DMD: variants seen among roughly 807,000 people sequenced by gnomAD.
DMD encodes the protein dystrophin.
Under a neutral mutation model 330.1 loss-of-function variants are expected in DMD, and 63 were observed. That is an observed-to-expected ratio of 0.19 (90% CI 0.16 to 0.24). The LOEUF is 0.24. Ranked by LOEUF, DMD falls within the 10% of genes least tolerant of loss-of-function variation. The pLI is 1.00. For missense variants in DMD, 3,344 were observed against 2,684.1 expected (o/e 1.25, Z -5.43); for synonymous variants, 1,223 against 959.8 (o/e 1.27, Z -5.07).
chrX:33,299,187 A>G, intron 1 of DMD, among the ~76,000 whole-genome samples: 2 of 111,290 alleles, frequency 1.8e-5, no homozygotes, highest in Non-Finnish European at 1.9e-5. Context: ...AGTGGTTATT[A>G]TGTTACTCTA....
chrX:31,172,922 C>G (rs981471435), intron 72 of DMD, among the ~76,000 whole-genome samples: 10 of 111,789 alleles, frequency 8.9e-5, no homozygotes, highest in African/African-American at 2.6e-4. Flanking sequence ...ATCTTCTTCA[C>G]CTCAGGCAAT....
intron 1 of DMD, among the ~76,000 whole-genome samples, chrX:33,053,528 G>A (rs751688814): frequency 1.4e-3 from 149 of 108,739 alleles, no homozygotes; most frequent in Middle Eastern, 4.8e-3. Flanking sequence ...CTCGGGAGGC[G>A]GAGGTTGCAG....
intron 62 of DMD, among the ~76,000 whole-genome samples, chrX:31,293,183 TGTGTGTGTGTAGTCTGGTTTA>T (rs1569519812): frequency 4.8e-4 from 42 of 86,826 alleles, no homozygotes; most frequent in Non-Finnish European, 6.4e-4. Context: ...TGTGTGTGTG[TGTGTGTGTGTAGTCTGGTTTA>T]GTGTGTGTGT....
At chrX:31,264,873 TC>T (rs2050878760) in intron 62 of DMD, among the ~76,000 whole-genome samples, 1 of 112,743 alleles carries the variant, frequency 8.9e-6, no homozygotes. Flanking sequence ...TCAGAGCTGT[TC>T]CTGCTGTCAG....
At position 32,767,953 on chromosome X, in the gene DMD, T is replaced by C. The variant is rs151090534; in HGVS notation, c.649+41540A>G. Among the ~76,000 whole-genome samples, 82 of 111,573 alleles carry C rather than the reference T, an allele frequency of 7.3e-4. No individual in the cohort carries two copies. In the East Asian group the frequency reaches 0.019, roughly 26 times the overall value. The stretch of plus-strand genomic sequence containing the variant: ...AATTATTTTCATAAAGGCTTAACTA[T>C]TGATAAGAGATATAGATATAACATT... On this transcript the variant is annotated intron_variant, in intron 7 of 78. Transcript: ENST00000357033.
chrX:33,003,647 C>A (rs1413979643), intron 2 of DMD, among the ~76,000 whole-genome samples: 1 of 111,130 alleles, frequency 9.0e-6, no homozygotes, highest in African/African-American at 3.3e-5. Flanking sequence ...GGTTTACTGA[C>A]TTAGATGATA....
At chrX:31,922,134 C>G (rs2094698188) in intron 47 of DMD, among the ~76,000 whole-genome samples, 1 of 110,867 alleles carries the variant, frequency 9.0e-6, no homozygotes, top group Non-Finnish European at 1.9e-5. Context: ...TTAGAGGGTC[C>G]CACCATATAC....
At chrX:33,251,129 G>A (rs1038493239) in intron 1 of DMD, among the ~76,000 whole-genome samples, 5 of 111,194 alleles carry the variant, frequency 4.5e-5, no homozygotes, top group Admixed American at 9.7e-5. Context: ...CCTCTTGAAT[G>A]TATTTATTCA....
intron 1 of DMD, among the ~76,000 whole-genome samples, chrX:33,133,709 T>A (rs2095511453): frequency 8.9e-6 from 1 of 112,154 alleles, no homozygotes; most frequent in Non-Finnish European, 1.9e-5. Flanking sequence ...TTTCAGTAAC[T>A]AAGTTCATGA....
At chrX:32,974,912 A>ATGACTT (rs1460387305) in intron 2 of DMD, among the ~76,000 whole-genome samples, 1 of 112,080 alleles carries the variant, frequency 8.9e-6, no homozygotes, top group Non-Finnish European at 1.9e-5. Flanking sequence ...TCATGTATTA[A>ATGACTT]TGACTTTATT....
intron 44 of DMD, among the ~76,000 whole-genome samples, chrX:32,140,101 A>G (rs148617343): frequency 0.014 from 1,573 of 111,994 alleles, 29 homozygotes; most frequent in African/African-American, 0.046. Context: ...AAACCTGCCA[A>G]TATTTAGTCA....
chrX:32,353,773 A>G (rs2097789648), intron 37 of DMD, among the ~76,000 whole-genome samples: 1 of 111,488 alleles, frequency 9.0e-6, no homozygotes, highest in African/African-American at 3.2e-5. Flanking sequence ...AGGGAAGTAT[A>G]ATAAATGGAT....
chrX:31,290,827 A>G (rs1391233521), intron 62 of DMD, among the ~76,000 whole-genome samples: 2 of 112,278 alleles, frequency 1.8e-5, no homozygotes, highest in Non-Finnish European at 3.8e-5. Flanking sequence ...ACTTGAAATG[A>G]GACTACCAGG....
chrX:31,588,268 T>C, intron 55 of DMD, among the ~76,000 whole-genome samples: 1 of 111,789 alleles, frequency 8.9e-6, no homozygotes, highest in East Asian at 2.8e-4. Context: ...AAATAACTTG[T>C]AAACTTGCTC....
rs147000093 is a variant in DMD, at chrX:32,840,565, G to A, written c.264+4218C>T. Among the ~76,000 whole-genome samples the A allele has an allele frequency of 7.8e-3, 875 of 111,641 alleles. 7 individuals are homozygous for A. Among genetic ancestry groups the A allele is most frequent in the African/African-American group, 0.027 (830 of 30,772 alleles). On this transcript the variant is annotated intron_variant, in intron 4 of 78. Transcript: ENST00000357033. ...GTCAAAACATGGAACAGTGAGCACC[G>A]CAGAAGATTCTCTTATGCGTTTTAC...
At chrX:32,109,059 A>T (rs1461795945) in intron 44 of DMD, among the ~76,000 whole-genome samples, 2 of 112,027 alleles carry the variant, frequency 1.8e-5, no homozygotes, top group Admixed American at 9.5e-5. Flanking sequence ...CTCTATGCTC[A>T]TCTATCAGCC....
chrX:31,612,728 A>T (rs192081558), intron 55 of DMD, among the ~76,000 whole-genome samples: 5 of 112,081 alleles, frequency 4.5e-5, no homozygotes. Context: ...CAAACTATAG[A>T]CAAAGAAAAG....
intron 7 of DMD, among the ~76,000 whole-genome samples, chrX:32,733,739 G>A (rs1186605859): frequency 9.2e-6 from 1 of 108,845 alleles, no homozygotes; most frequent in Non-Finnish European, 1.9e-5. Flanking sequence ...CAACATACCA[G>A]AATCTCTGGG....
intron 56 of DMD, among the ~76,000 whole-genome samples, chrX:31,501,449 A>G (rs2070399732): frequency 8.9e-6 from 1 of 112,410 alleles, no homozygotes; most frequent in African/African-American, 3.2e-5. Flanking sequence ...ATGTCTATTA[A>G]TCTTTATTAG....
Sources: allele counts gnomAD v4.1 joint callset (sites outside exome capture counted in the v4.1 genomes callset), GRCh38; gene constraint gnomAD v4.1.1; transcripts MANE v1.5; gene names NCBI Gene and HGNC (gene_info 2026-07-23, HGNC 2026-07-21).